The following ACSM2B variants were observed in gnomAD, a reference collection of about 807,000 sequenced individuals.
ACSM2B encodes the protein acyl-coenzyme A synthetase ACSM2B, mitochondrial.
Under a neutral mutation model 78.6 loss-of-function variants are expected in ACSM2B, and 58 were observed. The ratio of observed to expected loss-of-function variants is 0.74; its 90% CI spans 0.60 to 0.92. The LOEUF is 0.92. Among genes scored for constraint, ACSM2B ranks in the 40% least tolerant of loss-of-function variants. The probability of loss-of-function intolerance (pLI) is 0.00; values close to 1 mark genes in which losing one functional copy is unlikely to be tolerated. For missense variants in ACSM2B, 688 were observed against 711.2 expected, an observed-to-expected ratio of 0.97 and a Z score of 0.37; for synonymous variants, 257 against 256.8, an observed-to-expected ratio of 1.00 and a Z score of -0.01.
At position 20,545,176 on chromosome 16, in the gene ACSM2B, C is replaced by T. The variant is rs138313327; in HGVS notation, c.1262G>A (p.Gly421Asp). The T allele has an allele frequency of 4.2e-5, 67 of 1,613,006 alleles. 1 individual carries two copies. In the African/African-American group the frequency reaches 7.1e-4, roughly 17 times the overall value. ...TCTCACCACATAGCCAGAGAAGATGCCTATAGGCCTGATGGGTTTGACCCT... is the reference window on the plus strand; with the variant it reads ...TCTCACCACATAGCCAGAGAAGATGTCTATAGGCCTGATGGGTTTGACCCT... ...GIRVKPIRPI[G>D]IFSGYVENPD... Residue 421 changes from glycine to aspartate, a missense_variant, in exon 10 of 14, where the codon GGC becomes GAC. Coordinates refer to ENST00000329697, the MANE Select transcript of ACSM2B (RefSeq NM_001105069.2).
intron 4 of ACSM2B, among the ~76,000 whole-genome samples, chr16:20,554,854 G>A (rs111320053): frequency 3.9e-5 from 6 of 152,166 alleles, no homozygotes; most frequent in South Asian, 2.1e-4. Flanking sequence ...TGTGCATCAC[G>A]AGTGATTCAC....
chr16:20,566,718 G>GTATA (rs1555459397), intron 1 of ACSM2B, among the ~76,000 whole-genome samples: 30 of 5,016 alleles, frequency 6.0e-3, no homozygotes, highest in Middle Eastern at 0.083. Context: ...AGTATATATA[G>GTATA]TATATACTAT....
At chr16:20,560,190 T>G (rs2015609728) in intron 2 of ACSM2B, among the ~76,000 whole-genome samples, 1 of 151,094 alleles carries the variant, frequency 6.6e-6, no homozygotes, top group Admixed American at 6.6e-5. Flanking sequence ...CATTAGGCCC[T>G]GATAAACACC....
rs77787676 is a variant in ACSM2B, at chr16:20,543,965, C to T, written c.1282-703G>A. 2.2e-4 allele frequency among the ~76,000 whole-genome samples: 33 copies of T among 152,282 alleles called. 1 individual carries two copies. The East Asian group carries it at 3.1e-3, about 14-fold the overall frequency. ...AGAGTTTAGTCTGAAGCTAAACAGC[C>T]ATTACAGAAGGTAGAACTGAGACCA... is the stretch of plus-strand genomic sequence containing the variant. On this transcript the variant is annotated intron_variant, in intron 10 of 13. Coordinates refer to ENST00000329697, the MANE Select transcript of ACSM2B (RefSeq NM_001105069.2).
intron 9 of ACSM2B, among the ~76,000 whole-genome samples, chr16:20,545,673 T>C (rs1015230591): frequency 2.6e-5 from 4 of 152,208 alleles, no homozygotes; most frequent in African/African-American, 9.6e-5. Context: ...ACAGAGATAC[T>C]GACAGCTTAT....
Position 20,537,148 on chromosome 16 carries a change from C to A in ACSM2B, c.*110G>T, listed in dbSNP as rs539659203. 5.4e-5 allele frequency: 72 copies of A among 1,330,038 alleles called. No homozygotes were observed. Among genetic ancestry groups the A allele is most frequent in the Admixed American group, 7.9e-5 (4 of 50,738 alleles). The allele number at this position is 1,330,038 out of a possible 1,614,324, so 82.4% of individuals were successfully genotyped here. On this transcript the variant is annotated 3_prime_UTR_variant, in exon 14 of 14. Transcript: ENST00000329697. Reference sequence around the variant, plus strand: ...AATAACCAGGGCAAGACAAAACTTACATTCATGTTCTTTCATAAAGAATCT... The same window carrying A: ...AATAACCAGGGCAAGACAAAACTTAAATTCATGTTCTTTCATAAAGAATCT...
rs1567211975 is a variant in ACSM2B at position 20,555,333 on chromosome 16, T to C, written c.532A>G (p.Arg178Gly). 3 of 1,613,818 alleles carry C rather than the reference T, an allele frequency of 1.9e-6. No individual in the cohort carries two copies. The highest frequency in any genetic ancestry group is 1.3e-5 in the African/African-American group (1 of 74,908). The change falls in exon 4 of 14, where the codon AGA (arginine) becomes GGA (glycine). Residue 178 changes from arginine (R) to glycine (G), a missense_variant. Arg to Gly is a moderately radical substitution (Grantham distance 125, BLOSUM62 -2). Transcript: ENST00000329697. ...TTCTCAGACACCAGTAGCTTAATTC[T>C]CAGAGAAGGACATTCAGATGCCACT... is the stretch of plus-strand genomic sequence containing the variant. ...DTVASECPSL[R>G]IKLLVSEKSC...
At position 20,546,401 on chromosome 16, in the gene ACSM2B, T is replaced by C. The variant is rs1175361118; in HGVS notation, c.1172A>G (p.Asp391Gly). The change falls in exon 9 of 14, where the codon GAT becomes GGT. Residue 391 changes from aspartate to glycine, a missense_variant. Coordinates refer to ENST00000329697, the MANE Select transcript of ACSM2B (RefSeq NM_001105069.2). ...GYMGTAASCY[D>G]VQVIDDKGNV... Reference sequence around the variant, plus strand: ...TCAGTGTCCCGAGCAAACCTGTACATCATAACAGGAAGCAGCCGTTCCCAT... The same window carrying C: ...TCAGTGTCCCGAGCAAACCTGTACACCATAACAGGAAGCAGCCGTTCCCAT... The C allele has an allele frequency of 1.2e-6, 2 of 1,605,926 alleles. No homozygotes were observed. The highest frequency in any genetic ancestry group is 2.7e-5 in the African/African-American group (2 of 74,546).
Position 20,559,426 on chromosome 16 carries a change from G to T in ACSM2B, c.199C>A (p.Pro67Thr), listed in dbSNP as rs371900959. ...MEKAGKRLPS[P>T]ALWWVNGKGK... Reference sequence around the variant, plus strand: ...TTCCCATTCACCCACCACAGGGCTGGGCTTGGGAGTCGCTTGCCAGCCTGA... The same window carrying T: ...TTCCCATTCACCCACCACAGGGCTGTGCTTGGGAGTCGCTTGCCAGCCTGA... The change falls in exon 3 of 14, where the codon CCA becomes ACA. Residue 67 changes from proline to threonine, a missense_variant. Coordinates refer to ENST00000329697, the MANE Select transcript of ACSM2B (RefSeq NM_001105069.2). The T allele has an allele frequency of 1.4e-5, 23 of 1,612,888 alleles. No homozygotes were observed. The highest frequency in any genetic ancestry group is 1.9e-5 in the Non-Finnish European group (22 of 1,179,516).
chr16:20,572,238 G>T (rs201380545), intron 1 of ACSM2B, among the ~76,000 whole-genome samples: 14,851 of 147,096 alleles, frequency 0.1, 1,422 homozygotes, highest in African/African-American at 0.27. Context: ...AAGATTTAAA[G>T]CTCCTTTTAG....
rs1327926918 is a variant in ACSM2B at position 20,571,013 on chromosome 16, C to T, written c.-9+5194G>A. The stretch of plus-strand genomic sequence containing the variant: ...GGTCTATCAATCTTATTTGTCTTTT[C>T]AAAGAACCAGATTTTGTTTCATTTA... On this transcript the variant is annotated intron_variant, in intron 1 of 13. Transcript: ENST00000329697. Among the ~76,000 whole-genome samples the T allele has an allele frequency of 2.6e-5, 4 of 151,904 alleles. No individual in the cohort carries two copies. In the East Asian group the frequency reaches 7.7e-4, roughly 29 times the overall value.
intron 1 of ACSM2B, among the ~76,000 whole-genome samples, chr16:20,566,709 G>T (rs758517299): frequency 5.9e-5 from 1 of 16,962 alleles, no homozygotes; most frequent in African/African-American, 4.3e-4. Flanking sequence ...TATATATATA[G>T]TATATATAGT....
chr16:20,555,531 A>G (rs2015447992), intron 3 of ACSM2B, 55 bp from the exon 4 acceptor site: 12 of 1,605,664 alleles, frequency 7.5e-6, no homozygotes, highest in East Asian at 2.2e-5. Context: ...TTGTCCCTAG[A>G]GAAGCCTGAG....
intron 1 of ACSM2B, among the ~76,000 whole-genome samples, chr16:20,572,974 ATTT>A (rs59811675): frequency 1.5e-5 from 2 of 137,906 alleles, no homozygotes; most frequent in Admixed American, 7.3e-5. Flanking sequence ...CATAACTTGT[ATTT>A]TTTTTTTTTT....
intron 2 of ACSM2B, among the ~76,000 whole-genome samples, chr16:20,561,696 G>A (rs1366229255): frequency 1.3e-5 from 2 of 150,760 alleles, no homozygotes; most frequent in Admixed American, 1.3e-4. Context: ...TTTTTTTTTG[G>A]TTGGATTTGC....
chr16:20,550,520 C>A (rs543936491), intron 6 of ACSM2B, among the ~76,000 whole-genome samples: 67 of 152,060 alleles, frequency 4.4e-4, no homozygotes, highest in Non-Finnish European at 8.2e-4. Context: ...TATTAAAAAC[C>A]AGTTCAAATC....
intron 6 of ACSM2B, chr16:20,549,521 C>T: frequency 4.9e-6 from 1 of 203,892 alleles, no homozygotes; most frequent in South Asian, 6.6e-5. Context: ...ATTAATCCCT[C>T]ATGAGGCCCA....
chr16:20,564,688 T>A lies in ACSM2B; in HGVS notation c.158A>T (p.His53Leu), dbSNP rs765808799. Residue 53 changes from histidine (H) to leucine (L), a missense_variant, in exon 2 of 14, where the codon CAC (histidine) becomes CTC (leucine). Physicochemically the swap from His to Leu is moderately conservative, Grantham distance 99 (BLOSUM62 -3). Coordinates refer to ENST00000329697, the MANE Select transcript of ACSM2B (RefSeq NM_001105069.2). The stretch of plus-strand genomic sequence containing the variant: ...CATTACCTTCTCCATGTCAGCCCAG[T>A]GATCCAACACATCACTAGCAAAGTT... ...KFNFASDVLD[H>L]WADMEKAGKR... 9.3e-6 allele frequency: 15 copies of A among 1,613,706 alleles called. No homozygotes were observed. The highest frequency in any genetic ancestry group is 2.2e-5 in the East Asian group (1 of 44,876).
chr16:20,544,589 C>A, intron 10 of ACSM2B: 1 of 985,300 alleles, frequency 1.0e-6, no homozygotes, highest in Non-Finnish European at 1.2e-6. Context: ...AGAAGGCATG[C>A]CCTTGGGTTC....
Sources: gnomAD v4.1 joint callset for allele counts (sites outside exome capture counted in the v4.1 genomes callset) on GRCh38, gnomAD v4.1.1 for gene constraint, MANE v1.5 for transcripts, NCBI Gene and HGNC (gene_info 2026-07-23, HGNC 2026-07-21) for gene names.